Variants in RAB18 observed in about 807,000 individuals in gnomAD.
The protein encoded by RAB18 is ras-related protein Rab-18.
Under a neutral mutation model 28.5 loss-of-function variants are expected in RAB18, and 10 were observed. The observed-to-expected ratio is 0.35, with a 90% CI of 0.22 to 0.60. The LOEUF (loss-of-function observed/expected upper bound fraction) is 0.60, where lower values mean the gene tolerates loss of function less well. Ranked by LOEUF, RAB18 falls within the 20% of genes least tolerant of loss-of-function variation. The pLI is 0.78. For missense variants in RAB18, 188 were observed against 244.2 expected, an observed-to-expected ratio of 0.77 and a Z score of 1.53; for synonymous variants, 93 against 86.9, an observed-to-expected ratio of 1.07 and a Z score of -0.39.
At chr10:27,519,195 A>G (rs957786199) in intron 2 of RAB18, among the ~76,000 whole-genome samples, 1 of 152,136 alleles carries the variant, frequency 6.6e-6, no homozygotes, top group Non-Finnish European at 1.5e-5. Flanking sequence ...TAAAAAAGAA[A>G]TATCACGTAA....
chr10:27,532,999 A>T (rs957863800), intron 4 of RAB18, among the ~76,000 whole-genome samples: 1 of 152,132 alleles, frequency 6.6e-6, no homozygotes, highest in African/African-American at 2.4e-5. Flanking sequence ...CTATTGATTT[A>T]TAATCAAACA....
chr10:27,527,978 G>A (rs10437434), intron 3 of RAB18, among the ~76,000 whole-genome samples: 5,579 of 152,126 alleles, frequency 0.037, 318 homozygotes, highest in African/African-American at 0.13. Context: ...CAATCAGAAC[G>A]GTAATGTCTA....
chr10:27,510,300 A>G, intron 2 of RAB18: 1 of 283,228 alleles, frequency 3.5e-6, no homozygotes, highest in South Asian at 3.8e-5. Context: ...ATAGTGAATA[A>G]CAAACTTGGT....
At chr10:27,510,176 A>T in intron 2 of RAB18, 1 of 535,430 alleles carries the variant, frequency 1.9e-6, no homozygotes, top group South Asian at 2.1e-5. Context: ...TAATGTGATT[A>T]TCTGTACACA....
chr10:27,530,696 A>G (rs918254902), intron 3 of RAB18, among the ~76,000 whole-genome samples: 2 of 151,942 alleles, frequency 1.3e-5, no homozygotes, highest in African/African-American at 4.8e-5. Context: ...CTTATTATAT[A>G]TATTACCAAT....
rs559829854 is a variant in RAB18 at position 27,520,023 on chromosome 10, T to A, written c.125-6805T>A. On this transcript the variant is annotated intron_variant, in intron 2 of 6. Transcript: ENST00000356940. ...GGGAATTGAATTTTGTCAAATGCAT[T>A]TTCTGCATCAAGATGATGATCATGT... Among the ~76,000 whole-genome samples the A allele has an allele frequency of 1.1e-4, 17 of 152,324 alleles. No individual in the cohort carries two copies. In the East Asian group the frequency reaches 3.3e-3, roughly 29 times the overall value.
chr10:27,529,156 A>G (rs1394034521), intron 3 of RAB18, among the ~76,000 whole-genome samples: 2 of 151,994 alleles, frequency 1.3e-5, no homozygotes, highest in African/African-American at 4.8e-5. Flanking sequence ...GTGTGTGTGT[A>G]ATACTGCCAT....
chr10:27,540,185 T>C lies in RAB18; in HGVS notation c.*2134T>C, dbSNP rs550243279. The stretch of plus-strand genomic sequence containing the variant: ...GTAATAGTTAATATTTATTGAAAGC[T>C]TCCTTGGTGCCAGATGCCTTTCTAA... On this transcript the variant is annotated 3_prime_UTR_variant, in exon 7 of 7. Transcript: ENST00000356940. 203 of 454,096 alleles carry C rather than the reference T, an allele frequency of 4.5e-4. No individual in the cohort carries two copies. The highest frequency in any genetic ancestry group is 3.6e-3 in the African/African-American group (178 of 50,132). The allele number at this position is 454,096 out of a possible 1,614,324, so 28.1% of individuals were successfully genotyped here.
chr10:27,515,131 A>G (rs989146071), intron 2 of RAB18, among the ~76,000 whole-genome samples: 1 of 152,178 alleles, frequency 6.6e-6, no homozygotes, highest in African/African-American at 2.4e-5. Context: ...GTTTGATAAA[A>G]GATAGTATTA....
In RAB18 at chr10:27,538,446, G is replaced by T. The variant is rs1385836173; in HGVS notation, c.*395G>T. Reference sequence around the variant, plus strand: ...GTATTTAGAACTCCTAGCACCACGGGGAAGAATAGAGGTATCATCAAACGT... The same window carrying T: ...GTATTTAGAACTCCTAGCACCACGGTGAAGAATAGAGGTATCATCAAACGT... On this transcript the variant is annotated 3_prime_UTR_variant, in exon 7 of 7. Coordinates refer to ENST00000356940, the MANE Select transcript of RAB18 (RefSeq NM_021252.5). 6.6e-6 allele frequency: 3 copies of T among 455,356 alleles called. No individual in the cohort carries two copies. In the East Asian group the frequency reaches 2.1e-4, roughly 32 times the overall value. The allele number at this position is 455,356 out of a possible 1,614,324, so 28.2% of individuals were successfully genotyped here.
chr10:27,504,540 G>C (rs1253688579), intron 1 of RAB18, 103 bp downstream of exon 1: 9 of 1,325,714 alleles, frequency 6.8e-6, no homozygotes, highest in African/African-American at 2.9e-5. Context: ...GCAGCGGCGG[G>C]CTCGGGCCGG....
rs988315905 is a variant in RAB18 at position 27,510,052 on chromosome 10, A to G, written c.124+122A>G. 1.5e-5 allele frequency: 12 copies of G among 777,348 alleles called. No homozygotes were observed. In the African/African-American group the frequency reaches 2.1e-4, roughly 13 times the overall value. The allele number at this position is 777,348 out of a possible 1,614,324, so 48.2% of individuals were successfully genotyped here. A position where few individuals can be genotyped will look rare whatever the true frequency, so the allele number is the denominator to read the frequency against. On this transcript the variant is annotated intron_variant, in intron 2 of 6. Coordinates refer to ENST00000356940, the MANE Select transcript of RAB18 (RefSeq NM_021252.5). Reference sequence around the variant, plus strand: ...CTGCCTCCATGTCTGTTGAAATCTTATTTGTCCTTCAAGACTTAATTTTGG... The same window carrying G: ...CTGCCTCCATGTCTGTTGAAATCTTGTTTGTCCTTCAAGACTTAATTTTGG...
intron 2 of RAB18, among the ~76,000 whole-genome samples, chr10:27,524,104 T>C (rs1346546182): frequency 6.6e-6 from 1 of 151,956 alleles, no homozygotes; most frequent in Non-Finnish European, 1.5e-5. Flanking sequence ...AATAAAAATT[T>C]ATTTTTGTCA....
In RAB18 at chr10:27,538,611, C is replaced by T. The variant is rs1414516239; in HGVS notation, c.*560C>T. 1.1e-5 allele frequency: 5 copies of T among 454,210 alleles called. No individual in the cohort carries two copies. Among genetic ancestry groups the T allele is most frequent in the South Asian group, 3.1e-5 (2 of 64,472 alleles). The allele number at this position is 454,210 out of a possible 1,614,324, so 28.1% of individuals were successfully genotyped here. A position where few individuals can be genotyped will look rare whatever the true frequency, so the allele number is the denominator to read the frequency against. ...ATTTATAACTAAATCTCTATTTGTT[C>T]GGATGATGCTTCTAAAACAGCATTG... On this transcript the variant is annotated 3_prime_UTR_variant, in exon 7 of 7. Coordinates refer to ENST00000356940, the MANE Select transcript of RAB18 (RefSeq NM_021252.5).
intron 2 of RAB18, among the ~76,000 whole-genome samples, chr10:27,518,154 T>G (rs1237318537): frequency 6.6e-6 from 1 of 152,190 alleles, no homozygotes; most frequent in Admixed American, 6.5e-5. Flanking sequence ...GACATTTTTG[T>G]TGTTTCCAGT....
intron 6 of RAB18, among the ~76,000 whole-genome samples, chr10:27,537,471 A>C (rs1446505665): frequency 6.6e-6 from 1 of 152,164 alleles, no homozygotes; most frequent in Non-Finnish European, 1.5e-5. Flanking sequence ...GAAGGCACAG[A>C]ATAATCAGAT....
At chr10:27,504,487 C>T (rs751528653) in intron 1 of RAB18, 50 bp downstream of exon 1, 15 of 1,538,238 alleles carry the variant, frequency 9.8e-6, no homozygotes, top group Admixed American at 2.0e-5. Flanking sequence ...TCTTTCTGCC[C>T]CGGTGGCTGC....
At chr10:27,515,075 T>A (rs1834408217) in intron 2 of RAB18, among the ~76,000 whole-genome samples, 1 of 152,138 alleles carries the variant, frequency 6.6e-6, no homozygotes, top group Admixed American at 6.6e-5. Context: ...TGCAAAAATA[T>A]CTCGACCAGT....
chr10:27,518,886 T>C (rs189223734), intron 2 of RAB18, among the ~76,000 whole-genome samples: 1 of 152,194 alleles, frequency 6.6e-6, no homozygotes, highest in East Asian at 1.9e-4. Flanking sequence ...AGAAGTCTTA[T>C]AGTTTATAAA....
Sources: gnomAD v4.1 joint callset for allele counts (sites outside exome capture counted in the v4.1 genomes callset) on GRCh38, gnomAD v4.1.1 for gene constraint, MANE v1.5 for transcripts, NCBI Gene and HGNC (gene_info 2026-07-23, HGNC 2026-07-21) for gene names.